CSMD1: variants seen among roughly 807,000 people sequenced by gnomAD.
CSMD1 encodes CUB and sushi domain-containing protein 1.
A neutral mutation model predicts 417.5 loss-of-function variants in CSMD1; 213 were observed. The observed-to-expected ratio is 0.51, with a 90% CI of 0.46 to 0.57. CSMD1 has a LOEUF of 0.57. Ranked by LOEUF, CSMD1 falls within the 20% of genes least tolerant of loss-of-function variation. The pLI, the probability that CSMD1 is intolerant of heterozygous loss-of-function variation, is 0.00. For synonymous variants in CSMD1, 2,862 were observed against 1,736.8 expected (o/e 1.65, Z -16.11); for missense variants, 6,923 against 4,529.7 (o/e 1.53, Z -15.17).
At chr8:4,152,306 A>T (rs934788160) in intron 3 of CSMD1, among the ~76,000 whole-genome samples, 1 of 152,166 alleles carries the variant, frequency 6.6e-6, no homozygotes. Context: ...TCCAGTTATA[A>T]ATCAGCTTTT....
At chr8:3,555,252 G>C (rs571344969) in intron 10 of CSMD1, among the ~76,000 whole-genome samples, 59 of 152,228 alleles carry the variant, frequency 3.9e-4, no homozygotes, top group African/African-American at 1.4e-3. Flanking sequence ...AGGGCATTTA[G>C]CTAGGAGTCA....
At chr8:4,994,283 G>T (rs1246105804) in intron 1 of CSMD1, 49 bp downstream of exon 1, 3 of 1,547,330 alleles carry the variant, frequency 1.9e-6, no homozygotes, top group African/African-American at 1.4e-5. Context: ...CGCACACGGG[G>T]CCTCCGAGGG....
chr8:4,434,124 G>A (rs1407461348), intron 2 of CSMD1, among the ~76,000 whole-genome samples: 1 of 152,176 alleles, frequency 6.6e-6, no homozygotes, highest in Non-Finnish European at 1.5e-5. Flanking sequence ...GATCACTTCA[G>A]GTCAGGAGTT....
intron 1 of CSMD1, among the ~76,000 whole-genome samples, chr8:4,688,948 C>G (rs2116752597): frequency 6.6e-6 from 1 of 152,284 alleles, no homozygotes; most frequent in East Asian, 1.9e-4. Flanking sequence ...TCTTATTTTT[C>G]AAGAAATGGC....
chr8:4,639,374 G>A (rs2130863935), intron 1 of CSMD1, among the ~76,000 whole-genome samples: 1 of 151,424 alleles, frequency 6.6e-6, no homozygotes, highest in Non-Finnish European at 1.5e-5. Context: ...ACAGATCGTT[G>A]GAAGTGTGCT....
chr8:4,864,719 T>TA (rs1330346236), intron 1 of CSMD1, among the ~76,000 whole-genome samples: 1 of 151,828 alleles, frequency 6.6e-6, no homozygotes, highest in Non-Finnish European at 1.5e-5. Context: ...CTTTGAATTT[T>TA]AAAAAATTCG....
At chr8:3,845,709 A>C (rs1803460287) in intron 5 of CSMD1, among the ~76,000 whole-genome samples, 1 of 152,046 alleles carries the variant, frequency 6.6e-6, no homozygotes, top group Non-Finnish European at 1.5e-5. Flanking sequence ...GTATTTTATA[A>C]AGTTTTTGAT....
chr8:4,923,948 A>G (rs1312846803), intron 1 of CSMD1, among the ~76,000 whole-genome samples: 1 of 152,238 alleles, frequency 6.6e-6, no homozygotes, highest in African/African-American at 2.4e-5. Flanking sequence ...TTAGCAAGCT[A>G]TTCTCAACCT....
At chr8:3,632,989 C>T (rs996358296) in intron 7 of CSMD1, among the ~76,000 whole-genome samples, 3 of 152,202 alleles carry the variant, frequency 2.0e-5, no homozygotes, top group South Asian at 2.1e-4. Flanking sequence ...TGGGTGCTCT[C>T]GCACCTGAGA....
intron 7 of CSMD1, among the ~76,000 whole-genome samples, chr8:3,685,379 C>G (rs1340250456): frequency 6.6e-6 from 1 of 152,156 alleles, no homozygotes; most frequent in Non-Finnish European, 1.5e-5. Context: ...CACCAGGGGT[C>G]CTGTCTGGGT....
At chr8:4,499,469 G>C (rs902563818) in intron 2 of CSMD1, among the ~76,000 whole-genome samples, 19 of 152,210 alleles carry the variant, frequency 1.2e-4, no homozygotes, top group African/African-American at 3.4e-4. Flanking sequence ...TGATTCTGAA[G>C]GTCCTGCTTG....
At chr8:4,198,671 G>C (rs1326535795) in intron 3 of CSMD1, among the ~76,000 whole-genome samples, 2 of 151,996 alleles carry the variant, frequency 1.3e-5, no homozygotes, top group African/African-American at 2.4e-5. Flanking sequence ...TTTCCAGATG[G>C]GGCTGGTAAA....
intron 50 of CSMD1, among the ~76,000 whole-genome samples, chr8:3,031,591 G>A (rs949557204): frequency 2.6e-5 from 4 of 151,848 alleles, no homozygotes; most frequent in Non-Finnish European, 4.4e-5. Context: ...ATACAGACTA[G>A]GTCTAGTTAT....
Position 3,416,265 on chromosome 8 carries a change from T to G in CSMD1, c.1562-6660A>C, listed in dbSNP as rs1034190139. Among the ~76,000 whole-genome samples, 18 of 125,846 alleles carry G rather than the reference T, an allele frequency of 1.4e-4. No homozygotes were observed. The East Asian group carries it at 3.4e-3, about 24-fold the overall frequency. The allele number at this position is 125,846 out of a possible 152,430, so 82.6% of individuals were successfully genotyped here. ...TTGCAGTGAACCGGGACTGCGCAAC[T>G]GCACTCCAGCCTGAGCCACAGAGCC... On this transcript the variant is annotated intron_variant, in intron 12 of 69. Transcript: ENST00000635120.
At chr8:4,580,972 C>T (rs954272142) in intron 2 of CSMD1, among the ~76,000 whole-genome samples, 1 of 152,142 alleles carries the variant, frequency 6.6e-6, no homozygotes, top group African/African-American at 2.4e-5. Flanking sequence ...AACGATTGTC[C>T]ACCTCAGTCC....
intron 7 of CSMD1, among the ~76,000 whole-genome samples, chr8:3,627,911 A>C (rs530837689): frequency 6.6e-6 from 1 of 152,328 alleles, no homozygotes; most frequent in African/African-American, 2.4e-5. Context: ...TTAAGGAGAT[A>C]ATATTCATTC....
intron 5 of CSMD1, among the ~76,000 whole-genome samples, chr8:3,902,911 C>G (rs570485017): frequency 6.6e-6 from 1 of 152,272 alleles, no homozygotes; most frequent in South Asian, 2.1e-4. Flanking sequence ...TGATCTTAAC[C>G]ACTTATCTCT....
chr8:3,955,802 C>A (rs992366833), intron 5 of CSMD1, among the ~76,000 whole-genome samples: 1 of 152,170 alleles, frequency 6.6e-6, no homozygotes, highest in Non-Finnish European at 1.5e-5. Context: ...TCAATCATAT[C>A]TCTGGTTGAT....
chr8:2,995,035 C>T (rs1806757076), intron 54 of CSMD1, among the ~76,000 whole-genome samples: 1 of 151,984 alleles, frequency 6.6e-6, no homozygotes, highest in East Asian at 1.9e-4. Context: ...ATACCATGAC[C>T]CAGAAAAAGA....
Sources: allele counts gnomAD v4.1 joint callset (sites outside exome capture counted in the v4.1 genomes callset), GRCh38; gene constraint gnomAD v4.1.1; transcripts MANE v1.5; gene names NCBI Gene and HGNC (gene_info 2026-07-23, HGNC 2026-07-21).